The following SPATS2 variants were observed in gnomAD, a reference collection of about 807,000 sequenced individuals.
SPATS2 encodes the protein spermatogenesis-associated serine-rich protein 2.
Under a neutral mutation model 63.7 loss-of-function variants are expected in SPATS2, and 38 were observed. That is an observed-to-expected ratio of 0.60 (90% CI 0.46 to 0.78). SPATS2 has a LOEUF of 0.78. Among genes scored for constraint, SPATS2 ranks in the 30% least tolerant of loss-of-function variants. SPATS2 has a pLI of 0.00. For missense variants in SPATS2, 588 were observed against 666.2 expected (o/e 0.88, Z 1.29); for synonymous variants, 207 against 232.9 (o/e 0.89, Z 1.01).
At chr12:49,463,182 G>A (rs946584639) in intron 3 of SPATS2, 1 of 151,820 alleles carries the variant, frequency 6.6e-6, no homozygotes, top group Admixed American at 6.6e-5. Flanking sequence ...GAGGTGGGTG[G>A]GTCACAAGGT....
Position 49,420,156 on chromosome 12 carries a change from C to T in SPATS2, c.-243-40614C>T, listed in dbSNP as rs1944954494. Among the ~76,000 whole-genome samples, 3 of 152,164 alleles carry T rather than the reference C, an allele frequency of 2.0e-5. 1 individual carries two copies. Among genetic ancestry groups the T allele is most frequent in the African/African-American group, 2.4e-5 (1 of 41,440 alleles). On this transcript the variant is annotated intron_variant, in intron 2 of 13. Transcript: ENST00000552918. ...AGTTTTGTTTGGTCTTCCTTAAACA[C>T]GTAGATGGGTAGAAAAGGATGTTTC... is the stretch of plus-strand genomic sequence containing the variant.
chr12:49,385,935 C>T (rs1944310895), intron 2 of SPATS2, among the ~76,000 whole-genome samples: 1 of 150,282 alleles, frequency 6.7e-6, no homozygotes, highest in Non-Finnish European at 1.5e-5. Flanking sequence ...GTGGTGCGAT[C>T]TTACTGCAAC....
intron 2 of SPATS2, among the ~76,000 whole-genome samples, chr12:49,447,066 T>A (rs1286500369): frequency 7.0e-6 from 1 of 143,318 alleles, no homozygotes; most frequent in Admixed American, 6.9e-5. Flanking sequence ...GTAGCTAGGA[T>A]TACAAGTGCC....
intron 8 of SPATS2, 57 bp downstream of exon 8, chr12:49,497,066 A>G: frequency 6.8e-7 from 1 of 1,468,428 alleles, no homozygotes; most frequent in Non-Finnish European, 9.1e-7. Flanking sequence ...TTGGCTAAAG[A>G]GGGCAAATTA....
chr12:49,449,756 C>A (rs1461314837), intron 2 of SPATS2, among the ~76,000 whole-genome samples: 2 of 152,182 alleles, frequency 1.3e-5, no homozygotes, highest in Admixed American at 1.3e-4. Flanking sequence ...GACTTATTCA[C>A]TACCGTGAGA....
At chr12:49,402,738 G>C (rs1459910448) in intron 2 of SPATS2, among the ~76,000 whole-genome samples, 1 of 152,142 alleles carries the variant, frequency 6.6e-6, no homozygotes, top group African/African-American at 2.4e-5. Context: ...GAAGGGGGTA[G>C]TGGTGGTATG....
intron 3 of SPATS2, among the ~76,000 whole-genome samples, chr12:49,465,171 C>T (rs1945890543): frequency 1.3e-5 from 2 of 152,172 alleles, no homozygotes; most frequent in Admixed American, 6.6e-5. Context: ...CAATTATGTA[C>T]ATTTGCTTAC....
intron 2 of SPATS2, among the ~76,000 whole-genome samples, chr12:49,426,254 G>A (rs1945073976): frequency 6.6e-6 from 1 of 151,668 alleles, no homozygotes; most frequent in South Asian, 2.1e-4. Context: ...ATCCTTAAGG[G>A]TACAACGTAA....
At chr12:49,521,107 C>T (rs1018953436) in intron 11 of SPATS2, among the ~76,000 whole-genome samples, 3 of 152,292 alleles carry the variant, frequency 2.0e-5, no homozygotes, top group Middle Eastern at 3.4e-3. Context: ...TGGTCATTGG[C>T]ATTCTAAATA....
At chr12:49,490,615 C>T (rs2137878911) in intron 5 of SPATS2, 67 bp from the exon 6 acceptor site, 1 of 1,426,734 alleles carries the variant, frequency 7.0e-7, no homozygotes, top group Non-Finnish European at 9.8e-7. Flanking sequence ...AATGGGAGGA[C>T]ACTGACTCCT....
At position 49,402,157 on chromosome 12, in the gene SPATS2, T is replaced by G. The variant is rs370205567; in HGVS notation, c.-244+30867T>G. Among the ~76,000 whole-genome samples the G allele has an allele frequency of 2.2e-4, 34 of 152,330 alleles. No homozygotes were observed. The South Asian group carries it at 6.6e-3, about 30-fold the overall frequency. On this transcript the variant is annotated intron_variant, in intron 2 of 13. Transcript: ENST00000552918. Reference sequence around the variant, plus strand: ...ATGCCCAGCTGTTAGTTTTCTAATTTCCAGTTGCCTCCCGAATGTCCTAAA... The same window carrying G: ...ATGCCCAGCTGTTAGTTTTCTAATTGCCAGTTGCCTCCCGAATGTCCTAAA...
chr12:49,446,808 C>T (rs766932234), intron 2 of SPATS2, among the ~76,000 whole-genome samples: 1 of 152,154 alleles, frequency 6.6e-6, no homozygotes, highest in Non-Finnish European at 1.5e-5. Flanking sequence ...CGTAGCAGTA[C>T]ATAGATTATG....
chr12:49,462,502 G>A (rs764457298), intron 3 of SPATS2: 15 of 696,798 alleles, frequency 2.2e-5, no homozygotes, highest in Admixed American at 1.4e-4. Flanking sequence ...CTTTCCCCCC[G>A]TGTGTGGGGT....
chr12:49,421,334 C>G (rs1944978120), intron 2 of SPATS2, among the ~76,000 whole-genome samples: 2 of 138,754 alleles, frequency 1.4e-5, no homozygotes, highest in Non-Finnish European at 3.0e-5. Context: ...AGGAGAATCT[C>G]TTGAACCTGG....
chr12:49,469,442 C>G, intron 3 of SPATS2: 1 of 321,978 alleles, frequency 3.1e-6, no homozygotes, highest in Non-Finnish European at 6.0e-6. Flanking sequence ...TGCCTGTAGT[C>G]CCAGATATTT....
intron 2 of SPATS2, among the ~76,000 whole-genome samples, chr12:49,449,755 A>G (rs536317920): frequency 1.3e-5 from 2 of 152,324 alleles, no homozygotes; most frequent in East Asian, 3.9e-4. Context: ...AGACTTATTC[A>G]CTACCGTGAG....
chr12:49,488,367 T>C (rs760360253), intron 4 of SPATS2, among the ~76,000 whole-genome samples: 2 of 151,974 alleles, frequency 1.3e-5, no homozygotes, highest in Non-Finnish European at 2.9e-5. Context: ...TCAAAAAATA[T>C]GAAATACAGG....
At chr12:49,370,145 T>A (rs1004979506) in intron 1 of SPATS2, among the ~76,000 whole-genome samples, 5 of 152,154 alleles carry the variant, frequency 3.3e-5, no homozygotes, top group African/African-American at 1.2e-4. Flanking sequence ...ACCTTATCTG[T>A]TAGTTGTAAG....
intron 2 of SPATS2, among the ~76,000 whole-genome samples, chr12:49,421,567 T>C (rs1050750296): frequency 6.6e-6 from 1 of 152,146 alleles, no homozygotes; most frequent in Admixed American, 6.6e-5. Context: ...AATGCCTAGT[T>C]TCCATCGAAG....
Sources: allele counts gnomAD v4.1 joint callset (sites outside exome capture counted in the v4.1 genomes callset), GRCh38; gene constraint gnomAD v4.1.1; transcripts MANE v1.5; gene names NCBI Gene and HGNC (gene_info 2026-07-23, HGNC 2026-07-21).